MRM2: variants seen among roughly 807,000 people sequenced by gnomAD.
MRM2 encodes rRNA methyltransferase 2, mitochondrial.
MRM2 carries 15 observed loss-of-function variants against 10.9 expected under a neutral mutation model. That is an observed-to-expected ratio of 1.37 (90% CI 0.92 to 2.11). The LOEUF (loss-of-function observed/expected upper bound fraction) is 2.11, where lower values mean the gene tolerates loss of function less well. Ranked by LOEUF, MRM2 falls within the 30% of genes most tolerant of loss-of-function variation. The probability of loss-of-function intolerance (pLI) is 0.00; values close to 1 mark genes in which losing one functional copy is unlikely to be tolerated. For synonymous variants in MRM2, 139 were observed against 128.7 expected, an observed-to-expected ratio of 1.08 and a Z score of -0.54; for missense variants, 328 against 321.3, an observed-to-expected ratio of 1.02 and a Z score of -0.16.
At chr7:2,237,042 T>A (rs1330879097) in intron 2 of MRM2, among the ~76,000 whole-genome samples, 4 of 152,158 alleles carry the variant, frequency 2.6e-5, no homozygotes, top group African/African-American at 4.8e-5. Flanking sequence ...TGTGTGTGTG[T>A]GAGACAAGGC....
In MRM2 at chr7:2,235,026, A is replaced by C. The variant is rs1432369706; in HGVS notation, c.*96T>G. On this transcript the variant is annotated 3_prime_UTR_variant, in exon 3 of 3. Transcript: ENST00000242257. Reference sequence around the variant, plus strand: ...CCACTTGTCCTGCTCCATCTCCAAAATCAGCTCAAATCTCCCAGGAACTCT... The same window carrying C: ...CCACTTGTCCTGCTCCATCTCCAAACTCAGCTCAAATCTCCCAGGAACTCT... The C allele has an allele frequency of 2.2e-6, 2 of 928,830 alleles. No homozygotes were observed. Among genetic ancestry groups the C allele is most frequent in the African/African-American group, 3.3e-5 (2 of 60,836 alleles). 57.5% of individuals were successfully genotyped at this position (928,830 alleles called of 1,614,324 possible).
intron 2 of MRM2, among the ~76,000 whole-genome samples, chr7:2,236,694 C>T (rs1417589249): frequency 3.9e-5 from 6 of 152,290 alleles, no homozygotes; most frequent in Non-Finnish European, 7.3e-5. Context: ...GAATGAAACA[C>T]GGTCCCTTTC....
chr7:2,239,777 C>G (rs1479914649), intron 1 of MRM2, 70 bp from the exon 2 acceptor site: 5 of 1,355,652 alleles, frequency 3.7e-6, no homozygotes, highest in Admixed American at 1.8e-5. Context: ...TGGGAGGGCC[C>G]TCGGATCAAC....
At chr7:2,237,108 C>A (rs1015318299) in intron 2 of MRM2, among the ~76,000 whole-genome samples, 1 of 152,144 alleles carries the variant, frequency 6.6e-6, no homozygotes, top group Non-Finnish European at 1.5e-5. Flanking sequence ...CAGGTTCGAG[C>A]GACCCCTGCC....
At chr7:2,236,738 A>C (rs908215573) in intron 2 of MRM2, among the ~76,000 whole-genome samples, 4 of 152,240 alleles carry the variant, frequency 2.6e-5, no homozygotes, top group Non-Finnish European at 4.4e-5. Context: ...CTTTCTGTTA[A>C]GCAGACTGAA....
intron 1 of MRM2, among the ~76,000 whole-genome samples, chr7:2,241,805 C>T (rs1794548161): frequency 6.6e-6 from 1 of 152,234 alleles, no homozygotes; most frequent in Non-Finnish European, 1.5e-5. Flanking sequence ...CCAGGGCCCA[C>T]TCGACAGCCC....
rs780335932 is a variant in MRM2 at position 2,235,251 on chromosome 7, T to C, written c.612A>G (p.Leu204=). ...GGAATTCCTCTGTCAGTCTCCTCTGTAACCGACGGCTTTGACTTCCAGCCC... is the reference window on the plus strand; with the variant it reads ...GGAATTCCTCTGTCAGTCTCCTCTGCAACCGACGGCTTTGACTTCCAGCCC... ...KTWAGSQSRR[L]QRRLTEEFQN... is the part of the protein sequence containing the mutation. Residue 204 remains leucine (L), a synonymous_variant, in exon 3 of 3, where the codon TTA becomes TTG. Transcript: ENST00000242257. 1.2e-6 allele frequency: 2 copies of C among 1,614,128 alleles called. No individual in the cohort carries two copies. The highest frequency in any genetic ancestry group is 1.7e-6 in the Non-Finnish European group (2 of 1,179,974).
At chr7:2,242,066 C>T (rs1437117872) in intron 1 of MRM2, 96 bp downstream of exon 1, 2 of 1,326,994 alleles carry the variant, frequency 1.5e-6, no homozygotes, top group Non-Finnish European at 2.1e-6. Flanking sequence ...GCCCAGCGCT[C>T]GGCACCCAGC....
chr7:2,238,381 G>A (rs1794455893), intron 2 of MRM2: 1 of 152,244 alleles, frequency 6.6e-6, no homozygotes, highest in Non-Finnish European at 1.5e-5. Flanking sequence ...AATGACGACA[G>A]TGTCTTCAGT....
intron 2 of MRM2, among the ~76,000 whole-genome samples, chr7:2,237,155 T>A (rs913986346): frequency 3.3e-5 from 5 of 152,126 alleles, no homozygotes; most frequent in African/African-American, 1.2e-4. Flanking sequence ...CACAGGAACA[T>A]GCCACCACAC....
At position 2,235,297 on chromosome 7, in the gene MRM2, C is replaced by A; in HGVS notation, c.566G>T (p.Gly189Val). 1 of 1,614,128 alleles carries A rather than the reference C, an allele frequency of 6.2e-7. No individual in the cohort carries two copies. The highest frequency in any genetic ancestry group is 1.7e-5 in the Admixed American group (1 of 60,012). The change falls in exon 3 of 3, where the codon GGG (glycine) becomes GTG (valine). Residue 189 changes from glycine (G) to valine (V), a missense_variant. Coordinates refer to ENST00000242257, the MANE Select transcript of MRM2 (RefSeq NM_013393.3). Reference sequence around the variant, plus strand: ...AGCCCAGGTTTTACAAAGGAATGTCCCCCCAGGTTGCAGGATGTCTGGGGT... The same window carrying A: ...AGCCCAGGTTTTACAAAGGAATGTCACCCCAGGTTGCAGGATGTCTGGGGT... ...SVTPDILQPG[G>V]TFLCKTWAGS...
At chr7:2,237,083 C>A (rs1227601105) in intron 2 of MRM2, among the ~76,000 whole-genome samples, 1 of 152,186 alleles carries the variant, frequency 6.6e-6, no homozygotes, top group Non-Finnish European at 1.5e-5. Flanking sequence ...CAGCTCACTG[C>A]AGCCTTGACT....
At chr7:2,238,123 GA>G (rs1794451365) in intron 2 of MRM2, 1 of 152,206 alleles carries the variant, frequency 6.6e-6, no homozygotes, top group Admixed American at 6.5e-5. Context: ...AATAAATGGG[GA>G]CCAGTGTCCC....
At chr7:2,237,027 T>TTG (rs368118478) in intron 2 of MRM2, among the ~76,000 whole-genome samples, 19,682 of 151,772 alleles carry the variant, frequency 0.13, 2,809 homozygotes, top group African/African-American at 0.35. Flanking sequence ...TTGTGTGTCT[T>TTG]TGTGTGTGTG....
chr7:2,239,713 G>A lies in MRM2; in HGVS notation c.9-6C>T, dbSNP rs760605178. Reference sequence around the variant, plus strand: ...CACACACCAGCTTCAAGTACCTGGTGGGAGAGAAGAGGAGCAGGCAGGTTG... The same window carrying A: ...CACACACCAGCTTCAAGTACCTGGTAGGAGAGAAGAGGAGCAGGCAGGTTG... On this transcript the variant is annotated splice_region_variant and splice_polypyrimidine_tract_variant and intron_variant, in intron 1 of 2. Transcript: ENST00000242257. The A allele has an allele frequency of 2.4e-5, 38 of 1,608,668 alleles. No homozygotes were observed. The Admixed American group carries it at 6.3e-4, about 27-fold the overall frequency.
chr7:2,238,621 T>C (rs746835964), intron 2 of MRM2: 1 of 152,060 alleles, frequency 6.6e-6, no homozygotes, highest in African/African-American at 2.4e-5. Context: ...AGCTGTGCTG[T>C]TGGGGAAAGA....
In MRM2 at chr7:2,239,547, C is replaced by T. The variant is rs1287461196; in HGVS notation, c.169G>A (p.Ala57Thr). ...AKVESYRCRS[A>T]FKLLEVNERH... ...TCGTTCACCTCCAGGAGCTTGAAGG[C>T]GCTTCGACACCGGTAACTCTCCACC... The change falls in exon 2 of 3, where the codon GCC (alanine) becomes ACC (threonine). Residue 57 changes from alanine (A) to threonine (T), a missense_variant. Physicochemically the swap from Ala to Thr is moderately conservative, Grantham distance 58. Transcript: ENST00000242257. 5.6e-6 allele frequency: 9 copies of T among 1,613,924 alleles called. No individual in the cohort carries two copies. The highest frequency in any genetic ancestry group is 7.6e-6 in the Non-Finnish European group (9 of 1,180,042).
At chr7:2,240,242 A>T (rs748207983) in intron 1 of MRM2, 1 of 454,904 alleles carries the variant, frequency 2.2e-6, no homozygotes, top group Non-Finnish European at 4.4e-6. Context: ...TAAATACATC[A>T]ATTAATTAAT....
In MRM2 at chr7:2,234,271, T is replaced by C. The variant is rs532283570; in HGVS notation, c.*851A>G. 2 of 152,230 alleles carry C rather than the reference T, an allele frequency of 1.3e-5. No homozygotes were observed. The highest frequency in any genetic ancestry group is 4.8e-5 in the African/African-American group (2 of 41,534). The allele number at this position is 152,230 out of a possible 1,614,324, so 9.4% of individuals were successfully genotyped here. On this transcript the variant is annotated 3_prime_UTR_variant, in exon 3 of 3. Coordinates refer to ENST00000242257, the MANE Select transcript of MRM2 (RefSeq NM_013393.3). ...AAGTTCCTAGATGAGTAAAAGAAAA[T>C]AAACACACCACATCACTGCTTGCTT...
Sources: allele counts gnomAD v4.1 joint callset (sites outside exome capture counted in the v4.1 genomes callset), GRCh38; gene constraint gnomAD v4.1.1; transcripts MANE v1.5; gene names NCBI Gene and HGNC (gene_info 2026-07-23, HGNC 2026-07-21).